GFRA2: variants seen among roughly 807,000 people sequenced by gnomAD.
GFRA2 encodes GDNF family receptor alpha-2.
A neutral mutation model predicts 48.3 loss-of-function variants in GFRA2; 17 were observed. That is an observed-to-expected ratio of 0.35 (90% CI 0.24 to 0.53). The LOEUF (loss-of-function observed/expected upper bound fraction) is 0.53. Among genes scored for constraint, GFRA2 ranks in the 20% least tolerant of loss-of-function variants. GFRA2 has a pLI of 0.93. For synonymous variants in GFRA2, 305 were observed against 257.2 expected (o/e 1.19, Z -1.78); for missense variants, 660 against 637.3 (o/e 1.04, Z -0.38).
chr8:21,718,636 C>G (rs1803448703), intron 4 of GFRA2, among the ~76,000 whole-genome samples: 1 of 152,190 alleles, frequency 6.6e-6, no homozygotes, highest in African/African-American at 2.4e-5. Context: ...AGCCAAAGGG[C>G]CATGTTCTCT....
intron 3 of GFRA2, among the ~76,000 whole-genome samples, chr8:21,773,699 A>G (rs1333394874): frequency 6.6e-6 from 1 of 152,240 alleles, no homozygotes; most frequent in Non-Finnish European, 1.5e-5. Context: ...AATGGAAAAA[A>G]AAAGAATGGT....
At chr8:21,795,353 C>CT (rs1161859548) in intron 2 of GFRA2, among the ~76,000 whole-genome samples, 10 of 147,024 alleles carry the variant, frequency 6.8e-5, no homozygotes, top group South Asian at 2.2e-4. Flanking sequence ...AACACATTGT[C>CT]TTTTTTTTTT....
At chr8:21,760,285 A>G (rs1032207677) in intron 3 of GFRA2, among the ~76,000 whole-genome samples, 2 of 152,220 alleles carry the variant, frequency 1.3e-5, no homozygotes, top group African/African-American at 2.4e-5. Context: ...AACTGAGGGT[A>G]TATCTGAGGG....
intron 4 of GFRA2, among the ~76,000 whole-genome samples, chr8:21,728,271 T>G (rs1391829083): frequency 7.5e-6 from 1 of 133,316 alleles, no homozygotes; most frequent in African/African-American, 2.8e-5. Flanking sequence ...CCAGGTTTTT[T>G]TTTTTTTTTT....
intron 2 of GFRA2, among the ~76,000 whole-genome samples, chr8:21,800,676 G>A (rs1450049818): frequency 6.6e-6 from 1 of 152,246 alleles, no homozygotes; most frequent in East Asian, 1.9e-4. Flanking sequence ...TGTAATCCCA[G>A]TATTTTGGGA....
At chr8:21,736,907 TGAGGGGAGGGGAGGG>T (rs1302505061) in intron 4 of GFRA2, among the ~76,000 whole-genome samples, 3 of 29,788 alleles carry the variant, frequency 1.0e-4, no homozygotes, top group East Asian at 2.2e-3. Context: ...AAGGAAGAAA[TGAGGGGAGGGGAGGG>T]GAGGGGAGGA....
Position 21,770,399 on chromosome 8 carries a change from T to C in GFRA2, c.439+4573A>G, listed in dbSNP as rs1205410838. Among the ~76,000 whole-genome samples, 9 of 152,332 alleles carry C rather than the reference T, an allele frequency of 5.9e-5. No individual in the cohort carries two copies. In the East Asian group the frequency reaches 1.7e-3, roughly 29 times the overall value. On this transcript the variant is annotated intron_variant, in intron 3 of 8. Transcript: ENST00000524240. ...CTTAACAAAAATCCTCAGAGGTAGG[T>C]GTTGCCATTGGCTCCAGGCTGGGGG...
At chr8:21,770,607 T>C (rs1806392536) in intron 3 of GFRA2, among the ~76,000 whole-genome samples, 1 of 152,170 alleles carries the variant, frequency 6.6e-6, no homozygotes. Context: ...CCCAAGCCTC[T>C]AGCCACACTT....
chr8:21,728,021 TC>T (rs1417324589), intron 4 of GFRA2, among the ~76,000 whole-genome samples: 1 of 152,082 alleles, frequency 6.6e-6, no homozygotes, highest in Non-Finnish European at 1.5e-5. Flanking sequence ...GAAAATAAAC[TC>T]CTCATCACAT....
chr8:21,774,014 G>A (rs1326058696), intron 3 of GFRA2, among the ~76,000 whole-genome samples: 1 of 152,170 alleles, frequency 6.6e-6, no homozygotes, highest in Non-Finnish European at 1.5e-5. Context: ...TAGAGCCACA[G>A]AAACTCCAGA....
chr8:21,785,265 C>T (rs1279575525), intron 1 of GFRA2, among the ~76,000 whole-genome samples: 7 of 152,166 alleles, frequency 4.6e-5, no homozygotes, highest in African/African-American at 1.7e-4. Context: ...GGGAGGCTCC[C>T]GTGCCAGAAC....
At chr8:21,755,312 A>G (rs1488841811) in intron 3 of GFRA2, among the ~76,000 whole-genome samples, 3 of 152,060 alleles carry the variant, frequency 2.0e-5, no homozygotes, top group Non-Finnish European at 4.4e-5. Context: ...GTGCCTGGGG[A>G]GGAGTAGCGG....
At chr8:21,694,077 T>TTATATATATA (rs1161900689) in intron 8 of GFRA2, among the ~76,000 whole-genome samples, 2 of 109,294 alleles carry the variant, frequency 1.8e-5, no homozygotes, top group African/African-American at 6.4e-5. Flanking sequence ...TTATTTATTT[T>TTATATATATA]TATATATATA....
intron 3 of GFRA2, among the ~76,000 whole-genome samples, chr8:21,762,874 G>A (rs1021708019): frequency 2.0e-5 from 3 of 152,110 alleles, no homozygotes; most frequent in Admixed American, 1.3e-4. Flanking sequence ...CCACAATGAT[G>A]AGTTGGGTTT....
chr8:21,739,295 C>T (rs1395224061), intron 4 of GFRA2, among the ~76,000 whole-genome samples: 1 of 152,198 alleles, frequency 6.6e-6, no homozygotes, highest in African/African-American at 2.4e-5. Flanking sequence ...TCACCTCCAA[C>T]ACCCCTTCCC....
intron 4 of GFRA2, among the ~76,000 whole-genome samples, chr8:21,729,494 A>G (rs1217272936): frequency 6.6e-6 from 1 of 152,118 alleles, no homozygotes; most frequent in South Asian, 2.1e-4. Flanking sequence ...TGGGCCTGGG[A>G]GACGCCCCCC....
rs1042751245 is a variant in GFRA2, at chr8:21,693,152, C to T, written c.*126G>A. The T allele has an allele frequency of 9.1e-6, 8 of 875,756 alleles. No individual in the cohort carries two copies. Among genetic ancestry groups the T allele is most frequent in the African/African-American group, 8.8e-5 (5 of 56,912 alleles). The allele number at this position is 875,756 out of a possible 1,614,324, so 54.2% of individuals were successfully genotyped here. ...GAAACCTGGGAGGAGACAGGTTCAG[C>T]GACAAGGTGGGAAAAACAATTTTTT... On this transcript the variant is annotated 3_prime_UTR_variant, in exon 9 of 9. Transcript: ENST00000524240.
At chr8:21,712,683 C>T (rs1028371937) in intron 4 of GFRA2, among the ~76,000 whole-genome samples, 67 of 152,074 alleles carry the variant, frequency 4.4e-4, no homozygotes, top group Non-Finnish European at 7.2e-4. Flanking sequence ...TGTAGTGAGC[C>T]GAGATCACGC....
chr8:21,718,327 A>G (rs2117432670), intron 4 of GFRA2, among the ~76,000 whole-genome samples: 1 of 152,306 alleles, frequency 6.6e-6, no homozygotes, highest in South Asian at 2.1e-4. Flanking sequence ...GCCTTCTGCC[A>G]TAATTGTGAG....
Sources: gnomAD v4.1 joint callset for allele counts (sites outside exome capture counted in the v4.1 genomes callset) on GRCh38, gnomAD v4.1.1 for gene constraint, MANE v1.5 for transcripts, NCBI Gene and HGNC (gene_info 2026-07-23, HGNC 2026-07-21) for gene names.